Variants in TRPM7 observed in about 807,000 individuals in gnomAD.
TRPM7 encodes LTRPC ion channel family member 7.
TRPM7 carries 134 observed loss-of-function variants against 229.7 expected under a neutral mutation model. The ratio of observed to expected loss-of-function variants is 0.58; its 90% CI spans 0.51 to 0.67. The LOEUF (loss-of-function observed/expected upper bound fraction) is 0.67. Ranked by LOEUF, TRPM7 falls within the 30% of genes least tolerant of loss-of-function variation. The pLI is 0.00. For missense variants in TRPM7, 1,901 were observed against 2,210.0 expected, an observed-to-expected ratio of 0.86 and a Z score of 2.80; for synonymous variants, 699 against 715.2, an observed-to-expected ratio of 0.98 and a Z score of 0.36.
chr15:50,607,736 C>G (rs1439235613), intron 19 of TRPM7, among the ~76,000 whole-genome samples: 1 of 151,872 alleles, frequency 6.6e-6, no homozygotes, highest in Non-Finnish European at 1.5e-5. Flanking sequence ...CTCCCCAAAC[C>G]AAACAGTATT....
intron 13 of TRPM7, among the ~76,000 whole-genome samples, chr15:50,618,104 CTG>C (rs2140521196): frequency 6.6e-6 from 1 of 152,194 alleles, no homozygotes; most frequent in African/African-American, 2.4e-5. Context: ...GAAAACAAAA[CTG>C]TATTGAATAC....
chr15:50,570,683 A>T (rs1401756381), intron 36 of TRPM7, among the ~76,000 whole-genome samples: 2 of 148,760 alleles, frequency 1.3e-5, no homozygotes, highest in Non-Finnish European at 3.0e-5. Context: ...TTCCTAAAAA[A>T]AAAAAAAAAA....
chr15:50,648,969 A>T (rs902819732), intron 3 of TRPM7, 84 bp from the exon 4 acceptor site: 13 of 1,008,100 alleles, frequency 1.3e-5, no homozygotes, highest in Admixed American at 3.3e-5. Context: ...TGAACCGACA[A>T]ATATAAGCTT....
intron 9 of TRPM7, among the ~76,000 whole-genome samples, chr15:50,632,101 G>A (rs921484315): frequency 8.6e-5 from 13 of 151,986 alleles, no homozygotes; most frequent in African/African-American, 1.7e-4. Flanking sequence ...TTAGGAGTTC[G>A]AGACCAGCCT....
chr15:50,641,550 A>G (rs1247327451), intron 5 of TRPM7, among the ~76,000 whole-genome samples: 3 of 152,168 alleles, frequency 2.0e-5, no homozygotes, highest in Non-Finnish European at 2.9e-5. Flanking sequence ...ATGTGTCTGC[A>G]TAACACTTAT....
intron 1 of TRPM7, among the ~76,000 whole-genome samples, chr15:50,681,444 G>C (rs1351362417): frequency 1.3e-5 from 2 of 152,108 alleles, no homozygotes; most frequent in African/African-American, 4.8e-5. Flanking sequence ...ATTTCATATA[G>C]TAAAGGCTAA....
At chr15:50,639,661 G>T in intron 5 of TRPM7, 113 bp from the exon 6 acceptor site, 1 of 868,494 alleles carries the variant, frequency 1.2e-6, no homozygotes, top group Non-Finnish European at 1.7e-6. Context: ...CAAACTCCTG[G>T]ACTCAAGCGA....
In TRPM7 at chr15:50,612,780, A is replaced by G. The variant is rs202123320; in HGVS notation, c.1820T>C (p.Ile607Thr). 3 of 1,613,874 alleles carry G rather than the reference A, an allele frequency of 1.9e-6. No homozygotes were observed. The African/African-American group carries it at 4.0e-5, about 22-fold the overall frequency. ...EGKKKRTKDEIVDIDDPETKR... is the reference protein window; with the variant it reads ...EGKKKRTKDETVDIDDPETKR... The stretch of plus-strand genomic sequence containing the variant: ...GGTTTCTGGATCATCAATGTCTACA[A>G]TTTCATCTTTGGTTCTTTTCTTCTT... The change falls in exon 16 of 39, where the codon ATT (isoleucine) becomes ACT (threonine). Residue 607 changes from isoleucine (I) to threonine (T), a missense_variant. Ile to Thr is a moderately conservative substitution (Grantham distance 89, BLOSUM62 -1). Transcript: ENST00000646667.
At chr15:50,677,763 AAAG>A (rs2062129660) in intron 1 of TRPM7, among the ~76,000 whole-genome samples, 1 of 150,308 alleles carries the variant, frequency 6.7e-6, no homozygotes, top group Admixed American at 6.7e-5. Flanking sequence ...AAAAAAAACA[AAAG>A]GTAACCCAGA....
intron 1 of TRPM7, among the ~76,000 whole-genome samples, chr15:50,683,945 C>T (rs1411990431): frequency 6.6e-6 from 1 of 151,742 alleles, no homozygotes; most frequent in Non-Finnish European, 1.5e-5. Flanking sequence ...ACTGCAACCT[C>T]CGCCTCCAAG....
At chr15:50,630,341 T>C (rs2140645927) in intron 10 of TRPM7, among the ~76,000 whole-genome samples, 1 of 152,270 alleles carries the variant, frequency 6.6e-6, no homozygotes, top group East Asian at 1.9e-4. Flanking sequence ...TGCAAGAAAA[T>C]TCTTGTAAAT....
chr15:50,576,276 T>C (rs59581704), intron 31 of TRPM7, among the ~76,000 whole-genome samples: 2,207 of 152,240 alleles, frequency 0.014, 58 homozygotes, highest in African/African-American at 0.051. Context: ...TTTTAGCAGG[T>C]CTACCATGAG....
intron 38 of TRPM7, among the ~76,000 whole-genome samples, chr15:50,567,676 A>G (rs2053664055): frequency 6.6e-6 from 1 of 152,144 alleles, no homozygotes; most frequent in African/African-American, 2.4e-5. Flanking sequence ...TAAAAAAATC[A>G]ATCGATGTAA....
rs1229649731 is a variant in TRPM7 at position 50,557,684 on chromosome 15, C to T, written c.*3994G>A. On this transcript the variant is annotated 3_prime_UTR_variant, in exon 39 of 39. Transcript: ENST00000646667. ...TTTTGAGACAGAGTTCTGCTGTCAC[C>T]CAGGCTGGAGTGCAGTGGCAGCAAT... is the stretch of plus-strand genomic sequence containing the variant. 1 of 152,158 alleles carries T rather than the reference C, an allele frequency of 6.6e-6. No individual in the cohort carries two copies. The highest frequency in any genetic ancestry group is 1.5e-5 in the Non-Finnish European group (1 of 68,040). 9.4% of individuals were successfully genotyped at this position (152,158 alleles called of 1,614,324 possible). A position where few individuals can be genotyped will look rare whatever the true frequency, so the allele number is the denominator to read the frequency against.
At chr15:50,675,584 T>G (rs1476321598) in intron 1 of TRPM7, among the ~76,000 whole-genome samples, 1 of 152,084 alleles carries the variant, frequency 6.6e-6, no homozygotes, top group Non-Finnish European at 1.5e-5. Context: ...TAAAAAAAAG[T>G]TTTTATAGTT....
intron 1 of TRPM7, among the ~76,000 whole-genome samples, chr15:50,675,687 T>G (rs779262021): frequency 6.6e-6 from 1 of 152,260 alleles, no homozygotes; most frequent in African/African-American, 2.4e-5. Flanking sequence ...TTATACACTT[T>G]GCTTTTTAAT....
chr15:50,608,630 C>T (rs2059983557), intron 19 of TRPM7, among the ~76,000 whole-genome samples: 1 of 152,126 alleles, frequency 6.6e-6, no homozygotes, highest in Non-Finnish European at 1.5e-5. Flanking sequence ...TAGGAAGGAA[C>T]AAGAACATTT....
chr15:50,592,420 T>C lies in TRPM7; in HGVS notation c.3815A>G (p.Lys1272Arg), dbSNP rs1231895997. 1.9e-6 allele frequency: 3 copies of C among 1,614,180 alleles called. No homozygotes were observed. The highest frequency in any genetic ancestry group is 2.5e-6 in the Non-Finnish European group (3 of 1,180,030). ...ATCAATAAGGTTTTGAGCCAAGTGT[T>C]TGGAAATGCTCAGTTCTCGTGTGAT... The part of the protein sequence containing the change: ...NEITRELSIS[K>R]HLAQNLIDDG... The change falls in exon 26 of 39, where the codon AAA (lysine) becomes AGA (arginine). Residue 1272 changes from lysine (K) to arginine (R), a missense_variant. By Grantham distance (26) the Lys-to-Arg change is conservative (BLOSUM62 2). Transcript: ENST00000646667.
At chr15:50,642,146 T>C (rs12905120) in intron 5 of TRPM7, among the ~76,000 whole-genome samples, 11,822 of 152,156 alleles carry the variant, frequency 0.078, 571 homozygotes, top group South Asian at 0.12. Context: ...GACAGTAGTA[T>C]GTTACAAATT....
Sources: gnomAD v4.1 joint callset for allele counts (sites outside exome capture counted in the v4.1 genomes callset) on GRCh38, gnomAD v4.1.1 for gene constraint, MANE v1.5 for transcripts, NCBI Gene and HGNC (gene_info 2026-07-23, HGNC 2026-07-21) for gene names.